The following CMTM8 variants were observed in gnomAD, a reference collection of about 807,000 sequenced individuals.
CMTM8 encodes CKLF like MARVEL transmembrane domain containing 8.
A neutral mutation model predicts 18.6 loss-of-function variants in CMTM8; 12 were observed. That is an observed-to-expected ratio of 0.65 (90% CI 0.41 to 1.05). The LOEUF (loss-of-function observed/expected upper bound fraction) is 1.05. CMTM8 is among the 50% of genes least tolerant of loss of function. CMTM8 has a pLI of 0.00. For missense variants in CMTM8, 217 were observed against 227.2 expected (o/e 0.95, Z 0.29); for synonymous variants, 87 against 90.6 (o/e 0.96, Z 0.23).
At position 32,297,560 on chromosome 3, in the gene CMTM8, T is replaced by C. The variant is rs976535065; in HGVS notation, c.147+58441T>C. On this transcript the variant is annotated intron_variant, in intron 1 of 3. Transcript: ENST00000307526. ...AAGCTCACCTTGGGGAATACAGTGGTAACCTTGCACAGAGAATGCTGTGGC... is the reference window on the plus strand; with the variant it reads ...AAGCTCACCTTGGGGAATACAGTGGCAACCTTGCACAGAGAATGCTGTGGC... Among the ~76,000 whole-genome samples, 9 of 152,070 alleles carry C rather than the reference T, an allele frequency of 5.9e-5. 1 individual carries two copies. Among genetic ancestry groups the C allele is most frequent in the Non-Finnish European group, 1.3e-4 (9 of 67,982 alleles).
intron 1 of CMTM8, among the ~76,000 whole-genome samples, chr3:32,305,378 G>A (rs1695699042): frequency 6.6e-6 from 1 of 152,072 alleles, no homozygotes; most frequent in African/African-American, 2.4e-5. Flanking sequence ...ACAACTAGGA[G>A]GGTGGTATTG....
At chr3:32,312,061 A>T (rs2164882) in intron 1 of CMTM8, among the ~76,000 whole-genome samples, 92,919 of 152,050 alleles carry the variant, frequency 0.61, 29,272 homozygotes, top group East Asian at 0.78. Flanking sequence ...CATTGATGAG[A>T]GATTGGCTAT....
chr3:32,335,052 G>A (rs1696360071), intron 1 of CMTM8, among the ~76,000 whole-genome samples: 1 of 152,164 alleles, frequency 6.6e-6, no homozygotes, highest in South Asian at 2.1e-4. Flanking sequence ...TGAGTGCCTC[G>A]GTGCCTACTG....
intron 1 of CMTM8, among the ~76,000 whole-genome samples, chr3:32,297,247 C>T (rs532958841): frequency 6.6e-5 from 10 of 152,244 alleles, no homozygotes; most frequent in Admixed American, 5.2e-4. Context: ...GGTACAATCT[C>T]GGCTCACTGC....
chr3:32,313,397 G>A (rs1236103120), intron 1 of CMTM8, among the ~76,000 whole-genome samples: 1 of 152,098 alleles, frequency 6.6e-6, no homozygotes, highest in African/African-American at 2.4e-5. Context: ...GAGGTGGAGA[G>A]CCTGTTAGCA....
chr3:32,313,289 G>T (rs1308575211), intron 1 of CMTM8, among the ~76,000 whole-genome samples: 3 of 152,116 alleles, frequency 2.0e-5, no homozygotes, highest in Non-Finnish European at 2.9e-5. Flanking sequence ...CCTGAGCACT[G>T]GGAGAACAGG....
chr3:32,270,734 C>T (rs904886980), intron 1 of CMTM8, among the ~76,000 whole-genome samples: 8 of 151,784 alleles, frequency 5.3e-5, no homozygotes, highest in Non-Finnish European at 1.2e-4. Flanking sequence ...GTGGGGGGAG[C>T]GGGGAGGGAT....
chr3:32,238,957 C>G lies in CMTM8; in HGVS notation c.-16C>G, dbSNP rs766251787. 164 of 1,544,884 alleles carry G rather than the reference C, an allele frequency of 1.1e-4. 1 individual carries two copies. In the East Asian group the frequency reaches 3.2e-3, roughly 30 times the overall value. Reference sequence around the variant, plus strand: ...CGGGGTCCCTGGGGACGCGCCAGCCCGGCAGTGGCTCGACGATGGAGGAGC... The same window carrying G: ...CGGGGTCCCTGGGGACGCGCCAGCCGGGCAGTGGCTCGACGATGGAGGAGC... On this transcript the variant is annotated 5_prime_UTR_variant, in exon 1 of 4. Coordinates refer to ENST00000307526, the MANE Select transcript of CMTM8 (RefSeq NM_178868.5).
intron 1 of CMTM8, among the ~76,000 whole-genome samples, chr3:32,340,411 G>A (rs898276080): frequency 1.3e-5 from 2 of 152,204 alleles, no homozygotes; most frequent in African/African-American, 4.8e-5. Flanking sequence ...GGAGAGGTCA[G>A]CTTGAGGATA....
At chr3:32,333,373 GACC>G (rs1047145042) in intron 1 of CMTM8, among the ~76,000 whole-genome samples, 2 of 152,162 alleles carry the variant, frequency 1.3e-5, no homozygotes, top group Non-Finnish European at 2.9e-5. Context: ...ATGTTCTGTG[GACC>G]AACAGCACGG....
intron 1 of CMTM8, among the ~76,000 whole-genome samples, chr3:32,282,909 G>T (rs1468821419): frequency 2.6e-5 from 4 of 152,100 alleles, no homozygotes; most frequent in African/African-American, 9.7e-5. Context: ...TCTTATTTCA[G>T]CACCTCCTTT....
chr3:32,331,368 G>T (rs1041750139), intron 1 of CMTM8, among the ~76,000 whole-genome samples: 1 of 152,130 alleles, frequency 6.6e-6, no homozygotes, highest in African/African-American at 2.4e-5. Context: ...TTGCACATGG[G>T]AATGTAAAAT....
At chr3:32,346,213 T>C (rs1045882257) in intron 1 of CMTM8, among the ~76,000 whole-genome samples, 2 of 152,164 alleles carry the variant, frequency 1.3e-5, no homozygotes, top group Non-Finnish European at 2.9e-5. Context: ...GGTGGTCAAA[T>C]ACCTGTAGAC....
rs1336141527 is a variant in CMTM8, at chr3:32,358,908, A to G, written c.321+1362A>G. ...AAAAAAGTTAGCACCTTGAAGTAAT[A>G]GTAACTATAGGAACACAGGATGAGG... On this transcript the variant is annotated intron_variant, in intron 2 of 3. Transcript: ENST00000307526. The surrounding 1 kb of genome is among the most constrained non-coding windows in gnomAD (Gnocchi z 4.1). Among the ~76,000 whole-genome samples the G allele has an allele frequency of 1.3e-5, 2 of 152,240 alleles. No individual in the cohort carries two copies. The highest frequency in any genetic ancestry group is 1.9e-4 in the East Asian group (1 of 5,204).
intron 2 of CMTM8, among the ~76,000 whole-genome samples, chr3:32,359,509 G>A (rs930023447): frequency 2.0e-5 from 3 of 152,146 alleles, no homozygotes; most frequent in Non-Finnish European, 2.9e-5. Flanking sequence ...AGAATCGCTC[G>A]AACCCAGGAG....
chr3:32,333,503 A>T (rs1696320942), intron 1 of CMTM8, among the ~76,000 whole-genome samples: 1 of 152,184 alleles, frequency 6.6e-6, no homozygotes, highest in African/African-American at 2.4e-5. Flanking sequence ...ATGTTTGGGA[A>T]GCACTGGGCA....
chr3:32,253,403 G>A (rs939267951), intron 1 of CMTM8, among the ~76,000 whole-genome samples: 1 of 140,948 alleles, frequency 7.1e-6, no homozygotes, highest in Non-Finnish European at 1.5e-5. Flanking sequence ...GAGTGCAGTT[G>A]GCGCAATCTT....
intron 1 of CMTM8, among the ~76,000 whole-genome samples, chr3:32,321,755 AC>A (rs1228762692): frequency 6.6e-6 from 1 of 151,894 alleles, no homozygotes; most frequent in African/African-American, 2.4e-5. Context: ...ATGCCACCAC[AC>A]CTGGTAATTT....
At chr3:32,322,862 A>G (rs189528107) in intron 1 of CMTM8, among the ~76,000 whole-genome samples, 23 of 152,344 alleles carry the variant, frequency 1.5e-4, no homozygotes, top group African/African-American at 5.5e-4. Context: ...AGACAGAGAA[A>G]GCAGAGGGGG....
Sources: allele counts gnomAD v4.1 joint callset (sites outside exome capture counted in the v4.1 genomes callset), GRCh38; gene constraint gnomAD v4.1.1; non-coding constraint Gnocchi (gnomAD v3.1); transcripts MANE v1.5; gene names NCBI Gene and HGNC (gene_info 2026-07-23, HGNC 2026-07-21).